Variants in PLEKHA5 observed in about 807,000 individuals in gnomAD.
PLEKHA5 encodes the protein pleckstrin homology domain containing A5, also known as pleckstrin homology domain-containing family A member 5.
A neutral mutation model predicts 181.9 loss-of-function variants in PLEKHA5; 55 were observed. The observed-to-expected ratio is 0.30, with a 90% CI of 0.24 to 0.38. The LOEUF (loss-of-function observed/expected upper bound fraction) is 0.38, where lower values mean the gene tolerates loss of function less well. PLEKHA5 is among the 10% of genes least tolerant of loss of function. The pLI, the probability that PLEKHA5 is intolerant of heterozygous loss-of-function variation, is 1.00. For missense variants in PLEKHA5, 1,432 were observed against 1,549.5 expected, an observed-to-expected ratio of 0.92 and a Z score of 1.27; for synonymous variants, 535 against 529.4, an observed-to-expected ratio of 1.01 and a Z score of -0.15.
chr12:19,137,816 C>T (rs1380313151), intron 3 of PLEKHA5, among the ~76,000 whole-genome samples: 2 of 152,074 alleles, frequency 1.3e-5, no homozygotes, highest in African/African-American at 4.8e-5. Flanking sequence ...CCTGTGATGC[C>T]CAGCATCTAG....
chr12:19,280,276 T>C lies in PLEKHA5; in HGVS notation c.1314-3004T>C, dbSNP rs377472099. Among the ~76,000 whole-genome samples, 13 of 152,122 alleles carry C rather than the reference T, an allele frequency of 8.5e-5. No homozygotes were observed. In the East Asian group the frequency reaches 2.5e-3, roughly 29 times the overall value. On this transcript the variant is annotated intron_variant, in intron 11 of 31. Coordinates refer to ENST00000429027, the MANE Select transcript of PLEKHA5 (RefSeq NM_001256470.2). ...ATGTTGAACTCCTGACCTCAAGTGATCCACCCGCCTTGGCCTCCCAAAGTG... is the reference window on the plus strand; with the variant it reads ...ATGTTGAACTCCTGACCTCAAGTGACCCACCCGCCTTGGCCTCCCAAAGTG...
chr12:19,216,936 T>A (rs943218187), intron 3 of PLEKHA5, among the ~76,000 whole-genome samples: 1 of 152,218 alleles, frequency 6.6e-6, no homozygotes, highest in African/African-American at 2.4e-5. Context: ...GAAAAAGTCC[T>A]CCATGACTTC....
At chr12:19,165,609 G>T (rs1295926905) in intron 3 of PLEKHA5, among the ~76,000 whole-genome samples, 1 of 152,118 alleles carries the variant, frequency 6.6e-6, no homozygotes, top group Admixed American at 6.5e-5. Flanking sequence ...CAGAGGTGAG[G>T]TCTGAAGTAC....
Position 19,214,394 on chromosome 12 carries a change from A to G in PLEKHA5, c.228-39546A>G, listed in dbSNP as rs976395259. Among the ~76,000 whole-genome samples the G allele has an allele frequency of 2.6e-4, 39 of 152,322 alleles. 1 individual carries two copies. Among genetic ancestry groups the G allele is most frequent in the East Asian group, 1.2e-3 (6 of 5,182 alleles). On this transcript the variant is annotated intron_variant, in intron 3 of 31. Transcript: ENST00000429027. ...AGATTACAGTTAATGGAGGAGGGAA[A>G]GAGGTGGGAGGGAGGAAGTGAGAAG...
intron 20 of PLEKHA5, among the ~76,000 whole-genome samples, chr12:19,325,994 T>TGAAA (rs1408509733): frequency 6.6e-6 from 1 of 151,502 alleles, no homozygotes; most frequent in Non-Finnish European, 1.5e-5. Flanking sequence ...GCAACAAGAG[T>TGAAA]GAAACTCTGT....
intron 3 of PLEKHA5, among the ~76,000 whole-genome samples, chr12:19,168,964 A>T (rs563158002): frequency 6.6e-6 from 1 of 152,336 alleles, no homozygotes; most frequent in East Asian, 1.9e-4. Flanking sequence ...AGTGAGCTTA[A>T]TCACCTGCCA....
chr12:19,142,059 G>A (rs1440193305), intron 3 of PLEKHA5, among the ~76,000 whole-genome samples: 1 of 152,096 alleles, frequency 6.6e-6, no homozygotes, highest in Non-Finnish European at 1.5e-5. Context: ...GGTTGAAGTT[G>A]CATATTATTA....
intron 3 of PLEKHA5, among the ~76,000 whole-genome samples, chr12:19,175,712 C>T (rs982970889): frequency 6.6e-6 from 1 of 152,160 alleles, no homozygotes; most frequent in Admixed American, 6.5e-5. Context: ...AAATTTGAAA[C>T]AGTAAAGTGT....
chr12:19,259,523 G>A (rs916383773), intron 6 of PLEKHA5, among the ~76,000 whole-genome samples: 1 of 152,178 alleles, frequency 6.6e-6, no homozygotes, highest in African/African-American at 2.4e-5. Context: ...GGCCAAGGTG[G>A]GTGGATCACC....
At chr12:19,228,956 A>G (rs924250689) in intron 3 of PLEKHA5, among the ~76,000 whole-genome samples, 1 of 152,196 alleles carries the variant, frequency 6.6e-6, no homozygotes, top group African/African-American at 2.4e-5. Flanking sequence ...ATAGATTTCC[A>G]AAATAAGGAT....
chr12:19,146,806 T>C (rs1042818434), intron 3 of PLEKHA5, among the ~76,000 whole-genome samples: 122 of 152,302 alleles, frequency 8.0e-4, no homozygotes, highest in Admixed American at 7.9e-3. Flanking sequence ...CCAAGAATTG[T>C]GGTGAAGTGG....
At chr12:19,297,948 G>A (rs922734144) in intron 15 of PLEKHA5, among the ~76,000 whole-genome samples, 3 of 152,158 alleles carry the variant, frequency 2.0e-5, no homozygotes, top group South Asian at 2.1e-4. Flanking sequence ...GCTCACGCCT[G>A]TAATCCCAGC....
At chr12:19,324,908 G>A (rs570801393) in intron 20 of PLEKHA5, among the ~76,000 whole-genome samples, 1 of 152,166 alleles carries the variant, frequency 6.6e-6, no homozygotes, top group Admixed American at 6.5e-5. Context: ...AATCAAAATG[G>A]TAGGCTCTAC....
chr12:19,160,286 T>TTCA (rs1234252115), intron 3 of PLEKHA5, among the ~76,000 whole-genome samples: 4 of 152,014 alleles, frequency 2.6e-5, no homozygotes, highest in Admixed American at 6.5e-5. Context: ...TATCATTTTC[T>TTCA]TCATCATCAT....
chr12:19,146,332 C>G (rs73343034), intron 3 of PLEKHA5, among the ~76,000 whole-genome samples: 11,476 of 152,210 alleles, frequency 0.075, 469 homozygotes, highest in African/African-American at 0.11. Flanking sequence ...ATTTGAATCT[C>G]TTCTGTAAAT....
intron 3 of PLEKHA5, among the ~76,000 whole-genome samples, chr12:19,229,233 T>C (rs2060100834): frequency 1.3e-5 from 2 of 152,202 alleles, no homozygotes; most frequent in African/African-American, 4.8e-5. Context: ...GTTGTTGACA[T>C]GAGACCACAT....
chr12:19,186,449 C>T lies in PLEKHA5; in HGVS notation c.227+53999C>T, dbSNP rs182074292. ...CTCCTGGCAGGTTCACAATGATGTT[C>T]GTTTTGATGAAATAGAACAAGAAAG... On this transcript the variant is annotated intron_variant, in intron 3 of 31. Transcript: ENST00000429027. 2.0e-4 allele frequency among the ~76,000 whole-genome samples: 31 copies of T among 152,238 alleles called. No individual in the cohort carries two copies. In the Middle Eastern group the frequency reaches 0.014, roughly 67 times the overall value.
intron 3 of PLEKHA5, among the ~76,000 whole-genome samples, chr12:19,141,685 A>T (rs1396034465): frequency 6.6e-6 from 1 of 152,170 alleles, no homozygotes; most frequent in East Asian, 1.9e-4. Flanking sequence ...CTGAATTTTG[A>T]GGAAGAATGA....
At chr12:19,312,849 G>A (rs142672386) in intron 15 of PLEKHA5, among the ~76,000 whole-genome samples, 114 of 152,078 alleles carry the variant, frequency 7.5e-4, no homozygotes, top group African/African-American at 2.7e-3. Flanking sequence ...TCTAGTTTTC[G>A]GCCTGTCTCA....
Sources: allele counts gnomAD v4.1 joint callset (sites outside exome capture counted in the v4.1 genomes callset), GRCh38; gene constraint gnomAD v4.1.1; transcripts MANE v1.5; gene names NCBI Gene and HGNC (gene_info 2026-07-23, HGNC 2026-07-21).